Variants in MCM2 observed in about 807,000 individuals in gnomAD.
MCM2 encodes minichromosome maintenance complex component 2, also known as DNA replication licensing factor MCM2.
MCM2 carries 49 observed loss-of-function variants against 86.4 expected under a neutral mutation model. The ratio of observed to expected loss-of-function variants is 0.57; its 90% CI spans 0.45 to 0.72. The LOEUF (loss-of-function observed/expected upper bound fraction) is 0.72, where lower values mean the gene tolerates loss of function less well. Ranked by LOEUF, MCM2 falls within the 30% of genes least tolerant of loss-of-function variation. The pLI is 0.00. For missense variants in MCM2, 1,038 were observed against 1,259.9 expected (o/e 0.82, Z 2.67); for synonymous variants, 475 against 484.6 (o/e 0.98, Z 0.26).
In MCM2 at chr3:127,604,728, G is replaced by A. The variant is rs1009928418; in HGVS notation, c.357G>A (p.Gln119=). Residue 119 remains glutamine, a synonymous_variant, in exon 3 of 16, where the codon CAG becomes CAA. Coordinates refer to ENST00000265056, the MANE Select transcript of MCM2 (RefSeq NM_004526.4). ...QREAAERAMR[Q]RDREAGRGLG... ...AGGCAGCAGAGCGGGCCATGCGGCA[G>A]CGTGACCGGGAGGCTGGCCGGGGCC... 1.2e-6 allele frequency: 2 copies of A among 1,610,946 alleles called. No homozygotes were observed. The highest frequency in any genetic ancestry group is 1.7e-6 in the Non-Finnish European group (2 of 1,179,386).
chr3:127,618,272 C>T lies in MCM2; in HGVS notation c.2013+191C>T, dbSNP rs369934438. Among the ~76,000 whole-genome samples the T allele has an allele frequency of 2.2e-4, 33 of 152,164 alleles. No homozygotes were observed. The highest frequency in any genetic ancestry group is 3.7e-4 in the Non-Finnish European group (25 of 67,984). ...ATTTCTCTTTCCTTCACAGCACCCC[C>T]GACCCCCACCCTACATAACCCACAA... On this transcript the variant is annotated intron_variant, in intron 12 of 15. Coordinates refer to ENST00000265056, the MANE Select transcript of MCM2 (RefSeq NM_004526.4). The surrounding 1 kb of genome is among the most constrained non-coding windows in gnomAD (Gnocchi z 4.0).
In MCM2 at chr3:127,604,786, A is replaced by G; in HGVS notation, c.412+3A>G. The G allele has an allele frequency of 1.3e-6, 2 of 1,584,210 alleles. No individual in the cohort carries two copies. Among genetic ancestry groups the G allele is most frequent in the Non-Finnish European group, 1.7e-6 (2 of 1,165,412 alleles). On this transcript the variant is annotated splice_donor_region_variant and intron_variant, in intron 3 of 15. Coordinates refer to ENST00000265056, the MANE Select transcript of MCM2 (RefSeq NM_004526.4). Reference sequence around the variant, plus strand: ...CATGCGCCGTGGGCTCCTGTATGGTAGGTCCAGTTGTCTGCCTGCCCGAGG... The same window carrying G: ...CATGCGCCGTGGGCTCCTGTATGGTGGGTCCAGTTGTCTGCCTGCCCGAGG...
rs202032909 is a variant in MCM2 at position 127,608,510 on chromosome 3, C to T, written c.1230C>T (p.Asp410=). ...TGGTGGACAGCTGCAAGCCAGGAGA[C>T]GAGATAGTAAGTGGCCGGGGCAGGC... ...ADLVDSCKPG[D]EIELTGIYHN... Residue 410 remains aspartate (D), a synonymous_variant, in exon 7 of 16, where the codon GAC becomes GAT. Transcript: ENST00000265056. 108 of 1,614,110 alleles carry T rather than the reference C, an allele frequency of 6.7e-5. No homozygotes were observed. Among genetic ancestry groups the T allele is most frequent in the East Asian group, 5.1e-4 (23 of 44,886 alleles).
At chr3:127,620,528 G>C (rs1240956476) in intron 13 of MCM2, among the ~76,000 whole-genome samples, 170 bp from the exon 14 acceptor site, 2 of 152,252 alleles carry the variant, frequency 1.3e-5, no homozygotes, top group Non-Finnish European at 2.9e-5. Context: ...TGATTTCCAG[G>C]AGGGATAGGA....
chr3:127,620,046 T>C lies in MCM2; in HGVS notation c.2266-652T>C, dbSNP rs17497187. ...TATACCTTAACCATTTTGTTTTAGA[T>C]GAAATTTAAATGTGCATTCATTTGT... On this transcript the variant is annotated intron_variant, in intron 13 of 15. Transcript: ENST00000265056. 7.2e-5 allele frequency among the ~76,000 whole-genome samples: 11 copies of C among 152,372 alleles called. No homozygotes were observed. In the South Asian group the frequency reaches 2.3e-3, roughly 32 times the overall value.
chr3:127,619,288 C>T lies in MCM2; in HGVS notation c.2265+10C>T, dbSNP rs1356689663. ...GAGGAAAGAATCTATGGTGAGAGCCCAGGCAGAGCCGGGAGGTGCTATGCA... is the reference window on the plus strand; with the variant it reads ...GAGGAAAGAATCTATGGTGAGAGCCTAGGCAGAGCCGGGAGGTGCTATGCA... On this transcript the variant is annotated intron_variant, in intron 13 of 15. Transcript: ENST00000265056. The T allele has an allele frequency of 3.1e-6, 5 of 1,609,508 alleles. No homozygotes were observed. The highest frequency in any genetic ancestry group is 1.1e-5 in the South Asian group (1 of 90,952).
Position 127,604,959 on chromosome 3 carries a change from AG to A in MCM2, c.478del (p.Asp160ThrfsTer8). 1 of 1,606,682 alleles carries A rather than the reference AG, an allele frequency of 6.2e-7. No homozygotes were observed. Among genetic ancestry groups the A allele is most frequent in the Non-Finnish European group, 8.5e-7 (1 of 1,173,764 alleles). The stretch of plus-strand genomic sequence containing the variant: ...CGCCGCCAGGTGGAGCGGGCCACGG[AG>A]GACGGCGAGGAGGACGAGGAGATGA... The part of the protein sequence containing the change: ...RKRRQVERAT[E>X]DGEEDEEMIE... On this transcript the variant is annotated frameshift_variant, in exon 4 of 16. Transcript: ENST00000265056. LOFTEE classifies it high-confidence loss of function.
At position 127,599,227 on chromosome 3, in the gene MCM2, G is replaced by A. The variant is rs888444773; in HGVS notation, c.7-91G>A. 3.9e-6 allele frequency: 4 copies of A among 1,032,420 alleles called. No homozygotes were observed. In the Admixed American group the frequency reaches 5.6e-5, roughly 14 times the overall value. The allele number at this position is 1,032,420 out of a possible 1,614,324, so 64.0% of individuals were successfully genotyped here. ...GGAGGACAAGAGTCACAGGTGGAGA[G>A]AAAGAAGGGAAGGCCCCTGATGGTA... On this transcript the variant is annotated intron_variant, in intron 1 of 15. Transcript: ENST00000265056.
chr3:127,621,343 C>A, intron 15 of MCM2, 115 bp downstream of exon 15: 1 of 1,256,532 alleles, frequency 8.0e-7, no homozygotes, highest in Non-Finnish European at 1.1e-6. Context: ...GGTTGACAGC[C>A]ATTTATTGAA....
intron 8 of MCM2, among the ~76,000 whole-genome samples, chr3:127,613,168 A>G (rs782431): frequency 0.53 from 81,167 of 152,062 alleles, 21,958 homozygotes; most frequent in East Asian, 0.65. Flanking sequence ...GAGTTGGGCA[A>G]TCTGCCCTGC....
In MCM2 at chr3:127,606,124, G is replaced by T. The variant is rs370122469; in HGVS notation, c.680G>T (p.Arg227Leu). ...ERISDMCKENRESLVVNYEDL... is the reference protein window; with the variant it reads ...ERISDMCKENLESLVVNYEDL... ...CCACTGTGCCCCCTTCTAGAGAACC[G>T]TGAGAGCCTGGTGGTGAACTATGAG... is the stretch of plus-strand genomic sequence containing the variant. The change falls in exon 5 of 16, where the codon CGT (arginine) becomes CTT (leucine). Residue 227 changes from arginine to leucine, a missense_variant. Arg to Leu is a moderately radical substitution (Grantham distance 102). This residue lies in a region of MCM2 where 399 missense variants were observed against 507.2 expected (regional missense o/e 0.79). Transcript: ENST00000265056. The surrounding 1 kb of genome is among the most constrained non-coding windows in gnomAD (Gnocchi z 4.2). 1 of 1,614,022 alleles carries T rather than the reference G, an allele frequency of 6.2e-7. No homozygotes were observed. Among genetic ancestry groups the T allele is most frequent in the Non-Finnish European group, 8.5e-7 (1 of 1,179,874 alleles).
chr3:127,618,021 G>A lies in MCM2; in HGVS notation c.1953G>A (p.Glu651=). The change falls in exon 12 of 16, where the codon GAG becomes GAA. Residue 651 remains glutamate, a synonymous_variant. Transcript: ENST00000265056. This position sits in a 1 kb window ranked among gnomAD's most constrained non-coding sequence, Gnocchi z 4.0. ...TCTCTGAGAACGTGGACCTCACAGA[G>A]CCCATCATCTCACGCTTTGACATCC... ...LTFSENVDLT[E]PIISRFDILC... is the part of the protein sequence containing the mutation. 1.9e-6 allele frequency: 3 copies of A among 1,614,130 alleles called. No homozygotes were observed. Among genetic ancestry groups the A allele is most frequent in the South Asian group, 1.1e-5 (1 of 91,080 alleles).
chr3:127,603,449 A>C (rs2074320326), intron 2 of MCM2, among the ~76,000 whole-genome samples: 1 of 151,982 alleles, frequency 6.6e-6, no homozygotes, highest in Non-Finnish European at 1.5e-5. Flanking sequence ...GGCATGAGCC[A>C]CCGCACCCAG....
At chr3:127,600,513 C>T (rs981655296) in intron 2 of MCM2, among the ~76,000 whole-genome samples, 2 of 152,082 alleles carry the variant, frequency 1.3e-5, no homozygotes, top group Non-Finnish European at 2.9e-5. Flanking sequence ...GGCATCCTGC[C>T]GTCCCTAGGA....
chr3:127,618,856 A>G lies in MCM2; in HGVS notation c.2014-171A>G, dbSNP rs756902607. Among the ~76,000 whole-genome samples the G allele has an allele frequency of 6.6e-6, 1 of 152,130 alleles. No individual in the cohort carries two copies. Among genetic ancestry groups the G allele is most frequent in the East Asian group, 1.9e-4 (1 of 5,188 alleles). ...ATGAGCCCTGTGGGGACTCTGTCCC[A>G]TTGTCTGGTTTGCCACCCACACCCA... is the stretch of plus-strand genomic sequence containing the variant. On this transcript the variant is annotated intron_variant, in intron 12 of 15. Coordinates refer to ENST00000265056, the MANE Select transcript of MCM2 (RefSeq NM_004526.4). This position sits in a 1 kb window ranked among gnomAD's most constrained non-coding sequence, Gnocchi z 4.0.
Position 127,600,689 on chromosome 3 carries a change from G to A in MCM2, c.236+1142G>A, listed in dbSNP as rs547182402. 4.6e-5 allele frequency among the ~76,000 whole-genome samples: 7 copies of A among 152,090 alleles called. No individual in the cohort carries two copies. The South Asian group carries it at 8.3e-4, about 18-fold the overall frequency. On this transcript the variant is annotated intron_variant, in intron 2 of 15. Transcript: ENST00000265056. Reference sequence around the variant, plus strand: ...TGGGGTCAGGGCATGGGTCCTAGACGGCTTTCCTGTTCTGCCTGATGGAGT... The same window carrying A: ...TGGGGTCAGGGCATGGGTCCTAGACAGCTTTCCTGTTCTGCCTGATGGAGT...
chr3:127,616,987 G>A lies in MCM2; in HGVS notation c.1642G>A (p.Gly548Ser). ...GTCCAGCCGAGCCATCTTCACCACT[G>A]GCCAGGGGGCGTCGGCTGTGGGCCT... ...KVSSRAIFTT[G>S]QGASAVGLTA... is the part of the protein sequence containing the mutation. The change falls in exon 10 of 16, where the codon GGC becomes AGC. Residue 548 changes from glycine (G) to serine (S), a missense_variant. Gly to Ser is a moderately conservative substitution (Grantham distance 56). This residue lies in a region of MCM2 where 399 missense variants were observed against 507.2 expected (regional missense o/e 0.79). Coordinates refer to ENST00000265056, the MANE Select transcript of MCM2 (RefSeq NM_004526.4). 1 of 1,614,196 alleles carries A rather than the reference G, an allele frequency of 6.2e-7. No homozygotes were observed. Among genetic ancestry groups the A allele is most frequent in the Non-Finnish European group, 8.5e-7 (1 of 1,180,048 alleles).
intron 8 of MCM2, among the ~76,000 whole-genome samples, chr3:127,610,147 A>C (rs1405908266): frequency 2.0e-5 from 3 of 152,082 alleles, no homozygotes; most frequent in Admixed American, 2.0e-4. Context: ...CCCGGCCTTC[A>C]AGTCAACTTG....
intron 2 of MCM2, among the ~76,000 whole-genome samples, chr3:127,601,489 T>A (rs947770439): frequency 6.6e-6 from 1 of 152,154 alleles, no homozygotes; most frequent in Non-Finnish European, 1.5e-5. Context: ...GCCTCCCAAG[T>A]AGCTGGGATC....
Sources: gnomAD v4.1 joint callset for allele counts (sites outside exome capture counted in the v4.1 genomes callset) on GRCh38, gnomAD v4.1.1 for gene constraint, gnomAD v4.1.1 regional missense constraint, Gnocchi (gnomAD v3.1) non-coding constraint, MANE v1.5 for transcripts, NCBI Gene and HGNC (gene_info 2026-07-23, HGNC 2026-07-21) for gene names.